MAPDA: variants seen among roughly 807,000 people sequenced by gnomAD.
The protein encoded by MAPDA is N6-Methyl-AMP deaminase, also known as N6,N6-dimethyl-AMP deaminase.
At chr15:43,343,906 G>T in the MAPDA span, among the ~76,000 whole-genome samples, 1 of 151,204 alleles carries the variant, frequency 6.6e-6, no homozygotes, top group African/African-American at 2.4e-5. Context: ...GAAGACAATA[G>T]AATGCAGAGA....
At chr15:43,340,134 C>T in the MAPDA span, 1 of 762,704 alleles carries the variant, frequency 1.3e-6, no homozygotes, top group Admixed American at 2.8e-5. Flanking sequence ...ATAATCTCTA[C>T]CACGTGAGAA....
the MAPDA span, chr15:43,347,017 T>C: frequency 6.2e-7 from 1 of 1,613,320 alleles, no homozygotes; most frequent in Non-Finnish European, 8.5e-7. Flanking sequence ...ATCTTTAAGG[T>C]AGGACAAGCA....
chr15:43,349,500 G>C, the MAPDA span: 1 of 306,578 alleles, frequency 3.3e-6, no homozygotes, highest in Non-Finnish European at 4.8e-6. Flanking sequence ...GCTGTCGATA[G>C]AGCAGTACAC....
At chr15:43,343,611 T>G in the MAPDA span, among the ~76,000 whole-genome samples, 1 of 152,136 alleles carries the variant, frequency 6.6e-6, no homozygotes, top group South Asian at 2.1e-4. Flanking sequence ...CTACTAATCC[T>G]CTAGTCACCC....
chr15:43,349,657 G>A, the MAPDA span, among the ~76,000 whole-genome samples: 2 of 152,214 alleles, frequency 1.3e-5, no homozygotes, highest in Non-Finnish European at 2.9e-5. Context: ...TGATTGGATG[G>A]TTAGGAAAGG....
At chr15:43,354,546 A>T in the MAPDA span, 1 of 152,160 alleles carries the variant, frequency 6.6e-6, no homozygotes, top group Non-Finnish European at 1.5e-5. Flanking sequence ...TACAAAAGCT[A>T]TTGAAGTGTA....
chr15:43,335,948 C>G, the MAPDA span: 1 of 1,210,094 alleles, frequency 8.3e-7, no homozygotes, highest in Non-Finnish European at 1.1e-6. Context: ...TGGTGTGGAG[C>G]ATATATCTTA....
At chr15:43,351,859 A>G in the MAPDA span, 6 of 1,551,602 alleles carry the variant, frequency 3.9e-6, no homozygotes, top group East Asian at 2.4e-5. Context: ...TTATGAATCC[A>G]TCAACTACAT....
chr15:43,352,159 G>A, the MAPDA span: 1 of 403,356 alleles, frequency 2.5e-6, no homozygotes, highest in African/African-American at 2.0e-5. Flanking sequence ...CTTGACTGTT[G>A]TTGCTAATTA....
the MAPDA span, among the ~76,000 whole-genome samples, chr15:43,348,080 C>A: frequency 1.8e-4 from 28 of 152,316 alleles, no homozygotes; most frequent in African/African-American, 6.3e-4. Flanking sequence ...ACCTTAGTTT[C>A]TGTTGCTTTT....
At chr15:43,337,002 C>T in the MAPDA span, among the ~76,000 whole-genome samples, 1 of 152,074 alleles carries the variant, frequency 6.6e-6, no homozygotes, top group Non-Finnish European at 1.5e-5. Flanking sequence ...GGCGTGGTGG[C>T]TCACGCCTGT....
At chr15:43,351,423 TAAAAAC>T in the MAPDA span, 1 of 334,218 alleles carries the variant, frequency 3.0e-6, no homozygotes, top group Non-Finnish European at 5.4e-6. Context: ...TGAGAGGACT[TAAAAAC>T]AAACAAAAAA....
the MAPDA span, among the ~76,000 whole-genome samples, chr15:43,348,535 A>G: frequency 1.3e-5 from 2 of 152,220 alleles, no homozygotes; most frequent in Admixed American, 6.5e-5. Flanking sequence ...ACACATGTCT[A>G]TAACGGAACA....
At chr15:43,347,202 A>G in the MAPDA span, 1 of 871,320 alleles carries the variant, frequency 1.1e-6, no homozygotes, top group East Asian at 2.5e-5. Context: ...CATTTTTTAA[A>G]AAGGGAAAGT....
At chr15:43,335,865 T>C in the MAPDA span, 1 of 1,586,740 alleles carries the variant, frequency 6.3e-7, no homozygotes, top group Non-Finnish European at 8.5e-7. Flanking sequence ...CCTTTTTTTC[T>C]CTATCAGTAT....
chr15:43,336,670 C>T, the MAPDA span: 9 of 1,555,572 alleles, frequency 5.8e-6, no homozygotes, highest in East Asian at 2.2e-4. Context: ...ACTAGTAGCC[C>T]TGAAGATATT....
chr15:43,339,571 G>C, the MAPDA span, among the ~76,000 whole-genome samples: 4 of 152,160 alleles, frequency 2.6e-5, no homozygotes, highest in Non-Finnish European at 5.9e-5. Flanking sequence ...AATTACGGCA[G>C]TTTGTCACAG....
the MAPDA span, chr15:43,354,556 A>G: frequency 6.6e-6 from 1 of 152,138 alleles, no homozygotes; most frequent in Non-Finnish European, 1.5e-5. Context: ...ATTGAAGTGT[A>G]TGATTTTAAT....
the MAPDA span, among the ~76,000 whole-genome samples, chr15:43,341,230 T>C: frequency 6.6e-6 from 1 of 152,132 alleles, no homozygotes; most frequent in Non-Finnish European, 1.5e-5. Context: ...AGTATAAGTG[T>C]TTACATAAGA....
Sources: allele counts gnomAD v4.1 joint callset (sites outside exome capture counted in the v4.1 genomes callset), GRCh38; gene constraint gnomAD v4.1.1; transcripts MANE v1.5; gene names NCBI Gene and HGNC (gene_info 2026-07-23, HGNC 2026-07-21).